Variants in SRFBP1 observed in about 807,000 individuals in gnomAD.
The protein encoded by SRFBP1 is serum response factor-binding protein 1.
Under a neutral mutation model 45.5 loss-of-function variants are expected in SRFBP1, and 47 were observed. The observed-to-expected ratio is 1.03, with a 90% confidence interval of 0.82 to 1.32. The LOEUF (loss-of-function observed/expected upper bound fraction) is 1.32. Among genes scored for constraint, SRFBP1 ranks in the 40% most tolerant of loss-of-function variants. SRFBP1 has a pLI of 0.00. For missense variants in SRFBP1, 621 were observed against 484.6 expected, an observed-to-expected ratio of 1.28 and a Z score of -2.64; for synonymous variants, 203 against 166.3, an observed-to-expected ratio of 1.22 and a Z score of -1.70.
At chr5:122,052,708 A>G (rs368463066) in intron 2 of SRFBP1, among the ~76,000 whole-genome samples, 18 of 152,264 alleles carry the variant, frequency 1.2e-4, no homozygotes, top group East Asian at 3.9e-4. Context: ...CTCAACCTCA[A>G]TGATCTTCAT....
chr5:122,060,777 T>A (rs1754157306), intron 2 of SRFBP1, among the ~76,000 whole-genome samples: 1 of 152,108 alleles, frequency 6.6e-6, no homozygotes, highest in Non-Finnish European at 1.5e-5. Context: ...AAGAATGTGA[T>A]CTTGCTGGTG....
chr5:122,058,582 A>G (rs1176137087), intron 2 of SRFBP1, among the ~76,000 whole-genome samples: 1 of 149,698 alleles, frequency 6.7e-6, no homozygotes, highest in East Asian at 2.0e-4. Flanking sequence ...ATAAAGCCCT[A>G]TGTCTAGAAC....
intron 4 of SRFBP1, among the ~76,000 whole-genome samples, chr5:122,014,046 C>G (rs1753146244): frequency 6.6e-6 from 1 of 151,998 alleles, no homozygotes; most frequent in Non-Finnish European, 1.5e-5. Context: ...GTTCCCATCA[C>G]AAAGAAATGA....
chr5:121,975,399 T>C lies in SRFBP1; in HGVS notation c.198+12T>C, dbSNP rs1580500840. 1 of 1,612,990 alleles carries C rather than the reference T, an allele frequency of 6.2e-7. No homozygotes were observed. The highest frequency in any genetic ancestry group is 1.7e-5 in the Admixed American group (1 of 59,954). ...TCCATGCCATGAAGGTAAGGACTTG[T>C]GTGGGTGTGTATGTGTGTATGTTTC... On this transcript the variant is annotated intron_variant, in intron 3 of 7. Transcript: ENST00000339397.
Position 122,005,739 on chromosome 5 carries a change from C to T in SRFBP1, c.270+11069C>T, listed in dbSNP as rs984720000. On this transcript the variant is annotated intron_variant, in intron 4 of 7. Transcript: ENST00000339397. ...GTAGCTCCTTTGTTCCTTTCTTTCT[C>T]TCTTGCTGTGTTTCTCATTAAATGA... 2.6e-5 allele frequency among the ~76,000 whole-genome samples: 4 copies of T among 152,116 alleles called. No homozygotes were observed. In the East Asian group the frequency reaches 7.7e-4, roughly 29 times the overall value.
intron 7 of SRFBP1, among the ~76,000 whole-genome samples, chr5:122,023,051 A>T (rs1420061353): frequency 6.6e-6 from 1 of 152,198 alleles, no homozygotes; most frequent in Non-Finnish European, 1.5e-5. Flanking sequence ...TACATGGAGA[A>T]TTTTGCAGGT....
In SRFBP1 at chr5:122,048,503, T is replaced by G. The variant is rs1455803219; in HGVS notation, n.311+26096T>G. Among the ~76,000 whole-genome samples the G allele has an allele frequency of 2.0e-5, 3 of 152,192 alleles. No homozygotes were observed. In the East Asian group the frequency reaches 5.8e-4, roughly 29 times the overall value. On this transcript the variant is annotated intron_variant and non_coding_transcript_variant, in intron 2 of 2. Coordinates refer to the SRFBP1 transcript ENST00000504881. ...TTCATCAAGGATATTGGTCTAAAAT[T>G]CTCTTTTTTTGTTGTGTCTGTGTCA...
intron 2 of SRFBP1, among the ~76,000 whole-genome samples, chr5:122,061,784 C>T (rs1357754747): frequency 6.6e-6 from 1 of 151,820 alleles, no homozygotes; most frequent in African/African-American, 2.4e-5. Flanking sequence ...TTAAATAATC[C>T]TTTCCACTGA....
intron 4 of SRFBP1, among the ~76,000 whole-genome samples, chr5:121,995,738 AG>A (rs1752711430): frequency 6.6e-6 from 1 of 152,052 alleles, no homozygotes; most frequent in East Asian, 1.9e-4. Context: ...GTTTTTTGAA[AG>A]GATCAACAAA....
At chr5:122,051,433 G>A (rs1753971630) in intron 2 of SRFBP1, among the ~76,000 whole-genome samples, 1 of 151,564 alleles carries the variant, frequency 6.6e-6, no homozygotes, top group Admixed American at 6.6e-5. Flanking sequence ...AGTCTGGGTG[G>A]TCCTGTTTGG....
At chr5:121,994,511 T>C (rs1021545972) in intron 3 of SRFBP1, 88 bp from the exon 4 acceptor site, 28 of 789,044 alleles carry the variant, frequency 3.5e-5, no homozygotes, top group Non-Finnish European at 5.7e-5. Flanking sequence ...TTATTTAATA[T>C]TAAGTTTCTT....
At chr5:121,966,402 T>C (rs1176524509) in intron 1 of SRFBP1, among the ~76,000 whole-genome samples, 1 of 152,218 alleles carries the variant, frequency 6.6e-6, no homozygotes, top group Non-Finnish European at 1.5e-5. Flanking sequence ...GCAGCTTCCC[T>C]AACCTCCAGC....
chr5:122,016,248 G>T (rs1753191887), intron 4 of SRFBP1, among the ~76,000 whole-genome samples: 1 of 152,090 alleles, frequency 6.6e-6, no homozygotes, highest in Admixed American at 6.5e-5. Flanking sequence ...TCTGTTTCTT[G>T]TCTCCTATGC....
intron 3 of SRFBP1, among the ~76,000 whole-genome samples, chr5:121,992,047 G>A (rs1393075047): frequency 1.3e-5 from 2 of 152,110 alleles, no homozygotes; most frequent in Admixed American, 1.3e-4. Context: ...ACTGGTAGGA[G>A]ATGGAAAATA....
At chr5:122,055,184 A>T (rs10054785) in intron 2 of SRFBP1, among the ~76,000 whole-genome samples, 17,918 of 152,196 alleles carry the variant, frequency 0.12, 1,139 homozygotes, top group Non-Finnish European at 0.14. Flanking sequence ...CCCAGTCCTC[A>T]CTCATGATGC....
chr5:121,995,588 C>T (rs1580514039), intron 4 of SRFBP1, among the ~76,000 whole-genome samples: 1 of 152,106 alleles, frequency 6.6e-6, no homozygotes, highest in South Asian at 2.1e-4. Flanking sequence ...GACACCCTAA[C>T]ATCACAATTA....
chr5:122,072,539 G>A (rs1754479479), intron 2 of SRFBP1, among the ~76,000 whole-genome samples: 2 of 152,102 alleles, frequency 1.3e-5, no homozygotes, highest in Admixed American at 1.3e-4. Flanking sequence ...ATCTAAAGAA[G>A]TTATACCTAG....
chr5:122,012,182 T>G (rs1753109882), intron 4 of SRFBP1, among the ~76,000 whole-genome samples: 1 of 152,072 alleles, frequency 6.6e-6, no homozygotes, highest in African/African-American at 2.4e-5. Flanking sequence ...CTTTGGTCCA[T>G]TTCCCCTTTA....
chr5:122,000,611 T>C (rs1055470291), intron 4 of SRFBP1, among the ~76,000 whole-genome samples: 1 of 152,152 alleles, frequency 6.6e-6, no homozygotes. Context: ...TCTAGCTTCT[T>C]TAATTTTGTA....
Sources: allele counts gnomAD v4.1 joint callset (sites outside exome capture counted in the v4.1 genomes callset), GRCh38; gene constraint gnomAD v4.1.1; transcripts MANE v1.5; gene names NCBI Gene and HGNC (gene_info 2026-07-23, HGNC 2026-07-21).